RNF145: variants seen among roughly 807,000 people sequenced by gnomAD.
RNF145 encodes ring finger protein 145.
In RNF145, 12 loss-of-function variants were observed where a neutral mutation model predicts 57.3. The observed-to-expected ratio is 0.21, with a 90% CI of 0.13 to 0.34. The LOEUF (loss-of-function observed/expected upper bound fraction) is 0.34, where lower values mean the gene tolerates loss of function less well. RNF145 is among the 10% of genes least tolerant of loss of function. The pLI, the probability that RNF145 is intolerant of heterozygous loss-of-function variation, is 1.00. For missense variants in RNF145, 429 were observed against 799.0 expected, an observed-to-expected ratio of 0.54 and a Z score of 5.58; for synonymous variants, 262 against 288.3, an observed-to-expected ratio of 0.91 and a Z score of 0.92.
chr5:159,198,239 CTAAATAAA>C (rs10565309), intron 2 of RNF145, among the ~76,000 whole-genome samples: 59,416 of 146,810 alleles, frequency 0.4, 14,449 homozygotes, highest in African/African-American at 0.67. Flanking sequence ...GACTCTATCT[CTAAATAAA>C]TAAATAAATA....
chr5:159,198,296 G>A (rs544408056), intron 2 of RNF145, among the ~76,000 whole-genome samples: 24 of 151,644 alleles, frequency 1.6e-4, no homozygotes, highest in East Asian at 9.7e-4. Context: ...AATGACCTAC[G>A]GGAACAGACT....
intron 3 of RNF145, among the ~76,000 whole-genome samples, chr5:159,193,866 T>C (rs1293541839): frequency 6.6e-6 from 1 of 152,228 alleles, no homozygotes; most frequent in African/African-American, 2.4e-5. Context: ...GAATTGGGAA[T>C]ATATTTTAAT....
intron 6 of RNF145, among the ~76,000 whole-genome samples, chr5:159,170,582 A>G (rs746607624): frequency 2.0e-5 from 3 of 152,128 alleles, no homozygotes; most frequent in Non-Finnish European, 2.9e-5. Flanking sequence ...GCATTTACAC[A>G]ATATCTATCT....
At chr5:159,169,103 A>C in intron 7 of RNF145, 48 bp from the exon 8 acceptor site, 25 of 1,367,128 alleles carry the variant, frequency 1.8e-5, no homozygotes, top group Non-Finnish European at 2.4e-5. Flanking sequence ...TCTGAATCTC[A>C]TTTAATTCAA....
rs770788206 is a variant in RNF145, at chr5:159,203,622, T to C, written c.-5A>G. The C allele has an allele frequency of 7.2e-7, 1 of 1,392,998 alleles. No homozygotes were observed. Among genetic ancestry groups the C allele is most frequent in the Non-Finnish European group, 9.9e-7 (1 of 1,014,648 alleles). The allele number at this position is 1,392,998 out of a possible 1,614,324, so 86.3% of individuals were successfully genotyped here. On this transcript the variant is annotated 5_prime_UTR_variant, in exon 2 of 11. Coordinates refer to ENST00000424310, the MANE Select transcript of RNF145 (RefSeq NM_001199383.2). ...CAGTTTCTCCTTTGCAGCCATGTTG[T>C]TTTTTTTTTTCTTTTTTTTTTTCTT...
At chr5:159,167,746 G>T (rs1333467701) in intron 8 of RNF145, among the ~76,000 whole-genome samples, 3 of 152,240 alleles carry the variant, frequency 2.0e-5, no homozygotes, top group Non-Finnish European at 4.4e-5. Context: ...TGATGATTAA[G>T]AAGATCTGAA....
chr5:159,201,485 C>A (rs145044342), intron 2 of RNF145, among the ~76,000 whole-genome samples: 1 of 152,084 alleles, frequency 6.6e-6, no homozygotes, highest in South Asian at 2.1e-4. Context: ...TATATCCATA[C>A]GAAGATACTA....
At chr5:159,194,580 G>T in intron 3 of RNF145, 136 bp downstream of exon 3, 1 of 639,394 alleles carries the variant, frequency 1.6e-6, no homozygotes, top group Non-Finnish European at 2.9e-6. Flanking sequence ...TGTAAGATTT[G>T]GAAAATGAGT....
chr5:159,173,050 T>C (rs1192718031), intron 6 of RNF145, among the ~76,000 whole-genome samples: 2 of 152,074 alleles, frequency 1.3e-5, no homozygotes, highest in Non-Finnish European at 2.9e-5. Flanking sequence ...CACAATAAAA[T>C]GGGAAAATGA....
chr5:159,166,968 T>C (rs1483882294), intron 8 of RNF145, among the ~76,000 whole-genome samples: 1 of 151,984 alleles, frequency 6.6e-6, no homozygotes, highest in South Asian at 2.1e-4. Context: ...TAAAAATAAA[T>C]AAATAAATAA....
At chr5:159,208,476 G>A (rs1199577228) in intron 1 of RNF145, among the ~76,000 whole-genome samples, 1 of 152,154 alleles carries the variant, frequency 6.6e-6, no homozygotes, top group Non-Finnish European at 1.5e-5. Context: ...GGAGAAGACA[G>A]AAGGGATGGC....
chr5:159,185,380 T>G (rs541275325), intron 3 of RNF145, among the ~76,000 whole-genome samples: 8 of 152,268 alleles, frequency 5.3e-5, no homozygotes, highest in Non-Finnish European at 1.0e-4. Flanking sequence ...CATCCCAAAC[T>G]GTAGAGAATA....
chr5:159,186,443 T>C (rs1296828796), intron 3 of RNF145, among the ~76,000 whole-genome samples: 1 of 152,228 alleles, frequency 6.6e-6, no homozygotes, highest in African/African-American at 2.4e-5. Flanking sequence ...TTGTACATTC[T>C]GGCTATTTAC....
intron 4 of RNF145, among the ~76,000 whole-genome samples, chr5:159,179,711 C>T (rs1304346032): frequency 6.6e-6 from 1 of 151,948 alleles, no homozygotes; most frequent in African/African-American, 2.4e-5. Flanking sequence ...TGAATGTTAC[C>T]GTTAATAAAT....
At chr5:159,207,669 G>A in intron 1 of RNF145, 7 of 1,611,994 alleles carry the variant, frequency 4.3e-6, no homozygotes, top group Admixed American at 3.3e-5. Context: ...GAAAGAGAAC[G>A]CATTTCTTAC....
chr5:159,159,123 T>G, intron 10 of RNF145, 88 bp from the exon 11 acceptor site: 4 of 1,201,592 alleles, frequency 3.3e-6, no homozygotes, highest in Non-Finnish European at 3.5e-6. Flanking sequence ...CTAACATCTC[T>G]TTCCCACAAT....
intron 3 of RNF145, among the ~76,000 whole-genome samples, chr5:159,186,527 CT>C (rs1429271611): frequency 6.6e-6 from 1 of 152,168 alleles, no homozygotes; most frequent in Non-Finnish European, 1.5e-5. Flanking sequence ...GCCAAGTTAT[CT>C]TTTGCAATAT....
intron 9 of RNF145, 119 bp from the exon 10 acceptor site, chr5:159,161,741 G>GA (rs1562045595): frequency 3.2e-6 from 2 of 626,742 alleles, no homozygotes; most frequent in Non-Finnish European, 5.5e-6. Flanking sequence ...CAAATATACA[G>GA]AAGAGTATCC....
chr5:159,190,627 G>A (rs1460039376), intron 3 of RNF145, among the ~76,000 whole-genome samples: 1 of 145,132 alleles, frequency 6.9e-6, no homozygotes, highest in African/African-American at 2.6e-5. Flanking sequence ...AGGCTACAGT[G>A]AGCAATGACT....
Sources: allele counts gnomAD v4.1 joint callset (sites outside exome capture counted in the v4.1 genomes callset), GRCh38; gene constraint gnomAD v4.1.1; transcripts MANE v1.5; gene names NCBI Gene and HGNC (gene_info 2026-07-23, HGNC 2026-07-21).